Variants in SEPTIN9 observed in about 807,000 individuals in gnomAD.
SEPTIN9 encodes septin 9, also known as septin-9.
In SEPTIN9, 13 loss-of-function variants were observed where a neutral mutation model predicts 56.6. That is an observed-to-expected ratio of 0.23 (90% CI 0.15 to 0.37). The LOEUF (loss-of-function observed/expected upper bound fraction) is 0.37, where lower values mean the gene tolerates loss of function less well. Ranked by LOEUF, SEPTIN9 falls within the 10% of genes least tolerant of loss-of-function variation. The pLI is 1.00. For synonymous variants in SEPTIN9, 332 were observed against 334.1 expected (o/e 0.99, Z 0.07); for missense variants, 650 against 823.1 (o/e 0.79, Z 2.57).
rs373849670 is a variant in SEPTIN9, at chr17:77,452,030, C to T, written c.722-30114C>T. Among the ~76,000 whole-genome samples the T allele has an allele frequency of 6.6e-5, 10 of 152,328 alleles. No individual in the cohort carries two copies. The East Asian group carries it at 1.5e-3, about 24-fold the overall frequency. ...CTCGAAATGCCGTAACCGAAGCTCC[C>T]CGCGGCGCCGGCACTGGGATCCAGG... On this transcript the variant is annotated intron_variant, in intron 3 of 11. Transcript: ENST00000427177.
intron 2 of SEPTIN9, among the ~76,000 whole-genome samples, chr17:77,315,383 G>A (rs966756126): frequency 2.0e-5 from 3 of 152,084 alleles, no homozygotes; most frequent in African/African-American, 7.2e-5. Flanking sequence ...CACCTCCCAG[G>A]TTCAAGCAAT....
In SEPTIN9 at chr17:77,425,582, C is replaced by G. The variant is rs1458292020; in HGVS notation, c.721+22879C>G. Among the ~76,000 whole-genome samples, 1 of 152,200 alleles carries G rather than the reference C, an allele frequency of 6.6e-6. No individual in the cohort carries two copies. Among genetic ancestry groups the G allele is most frequent in the African/African-American group, 2.4e-5 (1 of 41,446 alleles). ...CCCCCAAGGCCGCCTGACTTCCAGC[C>G]TCCAAGTGGGGTTGCATTCACCACT... On this transcript the variant is annotated intron_variant, in intron 3 of 11. Coordinates refer to ENST00000427177, the MANE Select transcript of SEPTIN9 (RefSeq NM_001113491.2). This position sits in a 1 kb window ranked among gnomAD's most constrained non-coding sequence, Gnocchi z 4.2.
At chr17:77,365,210 G>A (rs912060871) in intron 2 of SEPTIN9, among the ~76,000 whole-genome samples, 8 of 152,132 alleles carry the variant, frequency 5.3e-5, no homozygotes, top group African/African-American at 1.9e-4. Flanking sequence ...AGAGTAGAGT[G>A]GATATGCGCT....
chr17:77,353,638 G>A (rs139501089), intron 2 of SEPTIN9, among the ~76,000 whole-genome samples: 293 of 152,162 alleles, frequency 1.9e-3, no homozygotes, highest in Non-Finnish European at 3.2e-3. Flanking sequence ...TACTAGAGGG[G>A]CCTCCAGCAT....
chr17:77,312,188 T>C (rs951055223), intron 2 of SEPTIN9, among the ~76,000 whole-genome samples: 1 of 152,088 alleles, frequency 6.6e-6, no homozygotes, highest in Non-Finnish European at 1.5e-5. Context: ...CTCCTTCCCC[T>C]CCACGGCCAA....
chr17:77,294,347 G>A (rs1305145427), intron 1 of SEPTIN9: 2 of 152,446 alleles, frequency 1.3e-5, no homozygotes, highest in Non-Finnish European at 2.9e-5. Context: ...TTGAACCCAG[G>A]AGGCAGAGGT....
In SEPTIN9 at chr17:77,486,521, T is replaced by TGC. The variant is rs1555679120; in HGVS notation, c.914-898_914-897dup. ...GTGTGTGTGTGTGTGTGTGTGTGTG[T>TGC]GCGCGCACGCGCGCGCGTGTTATAT... On this transcript the variant is annotated intron_variant, in intron 4 of 11. Transcript: ENST00000427177. 6.9e-3 allele frequency among the ~76,000 whole-genome samples: 835 copies of TGC among 120,186 alleles called. 14 individuals are homozygous for TGC. The highest frequency in any genetic ancestry group is 0.021 in the East Asian group (54 of 2,630). 78.8% of individuals were successfully genotyped at this position (120,186 alleles called of 152,430 possible).
At chr17:77,364,693 G>T (rs573519511) in intron 2 of SEPTIN9, among the ~76,000 whole-genome samples, 1 of 152,352 alleles carries the variant, frequency 6.6e-6, no homozygotes, top group South Asian at 2.1e-4. Context: ...GAGGCTGGGG[G>T]CAGAGACGGG....
At chr17:77,486,246 G>A (rs1184251122) in intron 4 of SEPTIN9, among the ~76,000 whole-genome samples, 3 of 152,032 alleles carry the variant, frequency 2.0e-5, no homozygotes, top group African/African-American at 7.3e-5. Context: ...GGGACTATAG[G>A]TGCTCGCCAC....
rs1598360574 is a variant in SEPTIN9, at chr17:77,429,760, T to C, written c.721+27057T>C. 6.6e-6 allele frequency among the ~76,000 whole-genome samples: 1 copy of C among 151,024 alleles called. No homozygotes were observed. Among genetic ancestry groups the C allele is most frequent in the South Asian group, 2.1e-4 (1 of 4,772 alleles). ...TCCTGAGCTGCGGGGACCCAGGGGG[T>C]CTTAGAGACCTCAGAGCTGAGACTC... is the stretch of plus-strand genomic sequence containing the variant. On this transcript the variant is annotated intron_variant, in intron 3 of 11. Coordinates refer to ENST00000427177, the MANE Select transcript of SEPTIN9 (RefSeq NM_001113491.2). The surrounding 1 kb of genome is among the most constrained non-coding windows in gnomAD (Gnocchi z 5.2).
intron 2 of SEPTIN9, among the ~76,000 whole-genome samples, chr17:77,398,438 TGGGAGGCCAGCTCCCCGGGAA>T (rs1365273576): frequency 6.6e-6 from 1 of 151,778 alleles, no homozygotes; most frequent in Non-Finnish European, 1.5e-5. Flanking sequence ...GTGGACTGTG[TGGGAGGCCAGCTCCCCGGGAA>T]GGGGGCTGGA....
At chr17:77,423,319 A>G (rs997125731) in intron 3 of SEPTIN9, among the ~76,000 whole-genome samples, 6 of 152,208 alleles carry the variant, frequency 3.9e-5, no homozygotes, top group African/African-American at 1.4e-4. Flanking sequence ...TACAGGCGTG[A>G]GCCACTGCGC....
At chr17:77,420,660 C>T (rs1279611860) in intron 3 of SEPTIN9, among the ~76,000 whole-genome samples, 1 of 152,164 alleles carries the variant, frequency 6.6e-6, no homozygotes. Flanking sequence ...CCCTGCTCCT[C>T]TGTCCCCCAT....
At chr17:77,415,356 C>T (rs1342300299) in intron 3 of SEPTIN9, among the ~76,000 whole-genome samples, 2 of 152,048 alleles carry the variant, frequency 1.3e-5, no homozygotes, top group East Asian at 3.9e-4. Flanking sequence ...CCTGTAATCC[C>T]AGCACTTTGG....
rs1281394260 is a variant in SEPTIN9, at chr17:77,422,420, C to T, written c.721+19717C>T. ...GAGGTCAGCCCATTGGCGTGGCCAG[C>T]GAATGGGGAGGGGAGCTTCTCCCCT... On this transcript the variant is annotated intron_variant, in intron 3 of 11. Coordinates refer to ENST00000427177, the MANE Select transcript of SEPTIN9 (RefSeq NM_001113491.2). 3.9e-5 allele frequency among the ~76,000 whole-genome samples: 6 copies of T among 152,150 alleles called. No homozygotes were observed. In the South Asian group the frequency reaches 8.3e-4, roughly 21 times the overall value.
chr17:77,305,002 C>T (rs541715491), intron 1 of SEPTIN9, among the ~76,000 whole-genome samples: 89 of 152,138 alleles, frequency 5.8e-4, no homozygotes, highest in African/African-American at 1.9e-3. Context: ...GGCAGCCCAC[C>T]GGAGCTGCAC....
rs2143118625 is a variant in SEPTIN9, at chr17:77,476,225, T to C, written c.722-5919T>C. The stretch of plus-strand genomic sequence containing the variant: ...TGGGTCTTGGTTTCCAAGTCAGGCT[T>C]TGCAAGCCTGCTGTGTCAAGCCCTC... On this transcript the variant is annotated intron_variant, in intron 3 of 11. Coordinates refer to ENST00000427177, the MANE Select transcript of SEPTIN9 (RefSeq NM_001113491.2). This position sits in a 1 kb window ranked among gnomAD's most constrained non-coding sequence, Gnocchi z 6.0. Among the ~76,000 whole-genome samples, 1 of 152,256 alleles carries C rather than the reference T, an allele frequency of 6.6e-6. No homozygotes were observed. Among genetic ancestry groups the C allele is most frequent in the African/African-American group, 2.4e-5 (1 of 41,526 alleles).
In SEPTIN9 at chr17:77,459,408, C is replaced by T. The variant is rs113011263; in HGVS notation, c.722-22736C>T. On this transcript the variant is annotated intron_variant, in intron 3 of 11. Coordinates refer to ENST00000427177, the MANE Select transcript of SEPTIN9 (RefSeq NM_001113491.2). ...TCAGCAATATCAAGGCGCTGAGATG[C>T]GGCTGTGGTTAAGACCCGGGCCCGG... 1.4e-3 allele frequency among the ~76,000 whole-genome samples: 210 copies of T among 152,336 alleles called. 2 individuals carry two copies. The highest frequency in any genetic ancestry group is 4.7e-3 in the African/African-American group (196 of 41,564).
rs1180860665 is a variant in SEPTIN9 at position 77,451,767 on chromosome 17, T to C, written c.722-30377T>C. Among the ~76,000 whole-genome samples the C allele has an allele frequency of 6.6e-6, 1 of 152,230 alleles. No individual in the cohort carries two copies. Among genetic ancestry groups the C allele is most frequent in the Non-Finnish European group, 1.5e-5 (1 of 68,038 alleles). On this transcript the variant is annotated intron_variant, in intron 3 of 11. Coordinates refer to ENST00000427177, the MANE Select transcript of SEPTIN9 (RefSeq NM_001113491.2). The surrounding 1 kb of genome is among the most constrained non-coding windows in gnomAD (Gnocchi z 4.2). ...CTCAAAATAGAAGAATAGGGCTTTG[T>C]GTGGTCACAGCTATCTCTTTGTAAA... is the stretch of plus-strand genomic sequence containing the variant.
Sources: gnomAD v4.1 joint callset for allele counts (sites outside exome capture counted in the v4.1 genomes callset) on GRCh38, gnomAD v4.1.1 for gene constraint, Gnocchi (gnomAD v3.1) non-coding constraint, MANE v1.5 for transcripts, NCBI Gene and HGNC (gene_info 2026-07-23, HGNC 2026-07-21) for gene names.